Variants in IL4I1 observed in about 807,000 individuals in gnomAD.
IL4I1 encodes L-amino-acid oxidase.
Under a neutral mutation model 29.7 loss-of-function variants are expected in IL4I1, and 24 were observed. That is an observed-to-expected ratio of 0.81 (90% CI 0.59 to 1.14). The LOEUF is 1.14. Ranked by LOEUF, IL4I1 falls within the 50% of genes most tolerant of loss-of-function variation. The pLI is 0.00. For synonymous variants in IL4I1, 371 were observed against 352.5 expected (o/e 1.05, Z -0.59); for missense variants, 686 against 785.6 (o/e 0.87, Z 1.52).
intron 2 of IL4I1, chr19:49,909,036 A>G (rs1277540967): frequency 7.4e-6 from 12 of 1,613,004 alleles, no homozygotes; most frequent in Middle Eastern, 1.7e-4. Context: ...GGTGCCTTTA[A>G]GCTGAAGCCC....
chr19:49,899,546 G>GTTTTTT (rs1439556525), upstream of IL4I1, among the ~76,000 whole-genome samples: 3 of 146,870 alleles, frequency 2.0e-5, no homozygotes, highest in East Asian at 2.1e-4. Context: ...TACCACACCT[G>GTTTTTT]TTTTTTGTTT....
chr19:49,896,241 A>T lies in IL4I1; in HGVS notation c.-22-59T>A, dbSNP rs544607787. 34 of 1,456,400 alleles carry T rather than the reference A, an allele frequency of 2.3e-5. No individual in the cohort carries two copies. In the African/African-American group the frequency reaches 4.8e-4, roughly 20 times the overall value. The allele number at this position is 1,456,400 out of a possible 1,614,324, so 90.2% of individuals were successfully genotyped here. A position where few individuals can be genotyped will look rare whatever the true frequency, so the allele number is the denominator to read the frequency against. On this transcript the variant is annotated intron_variant, in intron 1 of 7. Coordinates refer to ENST00000391826, the MANE Select transcript of IL4I1 (RefSeq NM_152899.2). The stretch of plus-strand genomic sequence containing the variant: ...TGAGGCCTGTGACCACTGTAGCCTG[A>T]CTCTGTCTCCCATGGGCTGCCCAGC...
chr19:49,909,766 G>C (rs540481454), intron 2 of IL4I1: 2 of 1,614,120 alleles, frequency 1.2e-6, no homozygotes, highest in African/African-American at 1.3e-5. Context: ...ACGTGAACCC[G>C]CCTGTAGGGG....
At position 49,894,048 on chromosome 19, in the gene IL4I1, C is replaced by T. The variant is rs371770598; in HGVS notation, c.567+220G>A. Among the ~76,000 whole-genome samples, 17 of 151,778 alleles carry T rather than the reference C, an allele frequency of 1.1e-4. 2 individuals carry two copies. Among genetic ancestry groups the T allele is most frequent in the Admixed American group, 9.2e-4 (14 of 15,244 alleles). ...AGAGATGACCCATATGTGTAGAAGC[C>T]CCTGGGCTGGCCCATTCTCATTCTC... is the stretch of plus-strand genomic sequence containing the variant. On this transcript the variant is annotated intron_variant, in intron 5 of 7. Coordinates refer to ENST00000391826, the MANE Select transcript of IL4I1 (RefSeq NM_152899.2).
rs781460814 is a variant in IL4I1 at position 49,889,834 on chromosome 19, T to C, written c.1540A>G (p.Thr514Ala). ...INSRKGPASD[T>A]ASPEGHASDM... ...GATGCGTGCCCCTCGGGGCTGGCCG[T>C]GTCCGATGCAGGCCCCTTCCGGCTG... The change falls in exon 8 of 8, where the codon ACG (threonine) becomes GCG (alanine). Residue 514 changes from threonine to alanine, a missense_variant. Thr to Ala is a moderately conservative substitution (Grantham distance 58, BLOSUM62 0). Coordinates refer to ENST00000391826, the MANE Select transcript of IL4I1 (RefSeq NM_152899.2). The C allele has an allele frequency of 1.3e-6, 2 of 1,572,792 alleles. No individual in the cohort carries two copies.
Position 49,889,734 on chromosome 19 carries a change from C to T in IL4I1, c.1640G>A (p.Ser547Asn). ...PSHDLAKEEGSHPPVQGQLSL... is the reference protein window; with the variant it reads ...PSHDLAKEEGNHPPVQGQLSL... ...TAACTGGCCTTGGACTGGAGGGTGG[C>T]TGCCTTCTTCCTTTGCCAGGTCATG... Residue 547 changes from serine to asparagine, a missense_variant, in exon 8 of 8, where the codon AGC becomes AAC. Physicochemically the swap from Ser to Asn is conservative, Grantham distance 46 (BLOSUM62 1). Coordinates refer to ENST00000391826, the MANE Select transcript of IL4I1 (RefSeq NM_152899.2). The T allele has an allele frequency of 2.6e-6, 4 of 1,515,966 alleles. No homozygotes were observed. The highest frequency in any genetic ancestry group is 3.5e-6 in the Non-Finnish European group (4 of 1,132,146). 93.9% of individuals were successfully genotyped at this position (1,515,966 alleles called of 1,614,324 possible). A position where few individuals can be genotyped will look rare whatever the true frequency, so the allele number is the denominator to read the frequency against.
intron 1 of IL4I1, among the ~76,000 whole-genome samples, chr19:49,896,604 T>C (rs2075214409): frequency 1.3e-5 from 2 of 152,090 alleles, no homozygotes; most frequent in East Asian, 1.9e-4. Context: ...TGGCTAATTT[T>C]TGTATTTTTA....
chr19:49,913,540 T>C (rs187920544), intron 2 of IL4I1, among the ~76,000 whole-genome samples: 10 of 152,322 alleles, frequency 6.6e-5, no homozygotes, highest in Admixed American at 6.5e-4. Context: ...GGGCCGCCAC[T>C]GCTCCGTAAG....
At position 49,893,651 on chromosome 19, in the gene IL4I1, G is replaced by C. The variant is rs149389556; in HGVS notation, c.567+617C>G. ...TGGGTGAAAGGGGAAGAGGCCAAAAGCTGATGCAGCTTTGGGGTCAGCAGT... is the reference window on the plus strand; with the variant it reads ...TGGGTGAAAGGGGAAGAGGCCAAAACCTGATGCAGCTTTGGGGTCAGCAGT... On this transcript the variant is annotated intron_variant, in intron 5 of 7. Coordinates refer to ENST00000391826, the MANE Select transcript of IL4I1 (RefSeq NM_152899.2). Among the ~76,000 whole-genome samples, 414 of 152,154 alleles carry C rather than the reference G, an allele frequency of 2.7e-3. 2 individuals carry two copies. Among genetic ancestry groups the C allele is most frequent in the Non-Finnish European group, 4.3e-3 (295 of 67,982 alleles).
chr19:49,915,494 T>C (rs1279358867), intron 2 of IL4I1, among the ~76,000 whole-genome samples: 2 of 152,216 alleles, frequency 1.3e-5, no homozygotes, highest in African/African-American at 4.8e-5. Flanking sequence ...CTACACACCA[T>C]GCACCCATTT....
In IL4I1 at chr19:49,890,335, G is replaced by C; in HGVS notation, c.1039C>G (p.Leu347Val). 1 of 1,608,152 alleles carries C rather than the reference G, an allele frequency of 6.2e-7. No homozygotes were observed. The change falls in exon 8 of 8, where the codon CTG becomes GTG. Residue 347 changes from leucine to valine, a missense_variant. Transcript: ENST00000391826. ...PRHMQEALRR[L>V]HYVPATKVFL... Reference sequence around the variant, plus strand: ...ACCTTGGTGGCCGGCACGTAGTGCAGCCTCCGCAGCGCCTCCTGCATGTGG... The same window carrying C: ...ACCTTGGTGGCCGGCACGTAGTGCACCCTCCGCAGCGCCTCCTGCATGTGG...
chr19:49,909,027 G>A, intron 2 of IL4I1: 2 of 1,613,174 alleles, frequency 1.2e-6, no homozygotes, highest in South Asian at 1.1e-5. Context: ...GCTGCTCCAG[G>A]TGCCTTTAAG....
intron 2 of IL4I1, among the ~76,000 whole-genome samples, chr19:49,914,482 T>C (rs1160438389): frequency 6.6e-6 from 1 of 152,130 alleles, no homozygotes; most frequent in African/African-American, 2.4e-5. Context: ...GAGCCGCCAG[T>C]CCCTTCCCTT....
chr19:49,919,698 A>C (rs1041827817), intron 2 of IL4I1, among the ~76,000 whole-genome samples: 3 of 152,136 alleles, frequency 2.0e-5, no homozygotes, highest in African/African-American at 7.2e-5. Context: ...ACCAACAGCA[A>C]TTTTCCCCAC....
intron 2 of IL4I1, chr19:49,909,953 A>G: frequency 1.2e-6 from 1 of 822,090 alleles, no homozygotes; most frequent in Non-Finnish European, 2.1e-6. Flanking sequence ...ATGACTGGGC[A>G]CAGTCGGTTT....
chr19:49,895,543 C>G (rs1051621144), intron 3 of IL4I1, among the ~76,000 whole-genome samples: 1 of 152,314 alleles, frequency 6.6e-6, no homozygotes, highest in Non-Finnish European at 1.5e-5. Flanking sequence ...TCTCCACCAA[C>G]AGGCGCCCCA....
chr19:49,927,144 A>G (rs1399393106), intron 2 of IL4I1, among the ~76,000 whole-genome samples: 1 of 152,084 alleles, frequency 6.6e-6, no homozygotes, highest in Non-Finnish European at 1.5e-5. Flanking sequence ...TACAGGCATG[A>G]GCCACCGTGC....
At chr19:49,919,573 G>A (rs2075714145) in intron 2 of IL4I1, among the ~76,000 whole-genome samples, 1 of 152,184 alleles carries the variant, frequency 6.6e-6, no homozygotes, top group African/African-American at 2.4e-5. Context: ...TGGATTCACT[G>A]ATTTTCAACC....
At chr19:49,925,129 C>T (rs1283236858) in intron 2 of IL4I1, among the ~76,000 whole-genome samples, 1 of 151,928 alleles carries the variant, frequency 6.6e-6, no homozygotes, top group Admixed American at 6.6e-5. Context: ...TGTGTGGTGA[C>T]ACATGCCTGT....
Sources: gnomAD v4.1 joint callset for allele counts (sites outside exome capture counted in the v4.1 genomes callset) on GRCh38, gnomAD v4.1.1 for gene constraint, MANE v1.5 for transcripts, NCBI Gene and HGNC (gene_info 2026-07-23, HGNC 2026-07-21) for gene names.